Variants in C1QTNF3 observed in about 807,000 individuals in gnomAD.
C1QTNF3 encodes the protein complement C1q tumor necrosis factor-related protein 3.
C1QTNF3 carries 26 observed loss-of-function variants against 32.6 expected under a neutral mutation model. The observed-to-expected ratio is 0.80, with a 90% CI of 0.58 to 1.11. C1QTNF3 has a LOEUF of 1.11. C1QTNF3 is among the 50% of genes least tolerant of loss of function. The pLI is 0.00. For missense variants in C1QTNF3, 362 were observed against 398.2 expected (o/e 0.91, Z 0.77); for synonymous variants, 155 against 146.0 (o/e 1.06, Z -0.44).
the C1QTNF3 span, among the ~76,000 whole-genome samples, chr5:34,162,112 G>T: frequency 6.6e-6 from 1 of 151,900 alleles, no homozygotes; most frequent in Non-Finnish European, 1.5e-5. Context: ...TGCACATTAG[G>T]GACTTAGTTC....
chr5:34,018,136 T>C lies in C1QTNF3; in HGVS notation c.*2447A>G, dbSNP rs1008895101. Among the ~76,000 whole-genome samples, 1 of 151,962 alleles carries C rather than the reference T, an allele frequency of 6.6e-6. No homozygotes were observed. The highest frequency in any genetic ancestry group is 2.4e-5 in the African/African-American group (1 of 41,552). ...GCCATAAATACATGCAGGAAAAGACTGAAATAAACACTTTAAAATAGTAAT... is the reference window on the plus strand; with the variant it reads ...GCCATAAATACATGCAGGAAAAGACCGAAATAAACACTTTAAAATAGTAAT... On this transcript the variant is annotated 3_prime_UTR_variant, in exon 6 of 6. Transcript: ENST00000382065.
At chr5:34,119,376 A>G in the C1QTNF3 span, among the ~76,000 whole-genome samples, 1 of 152,320 alleles carries the variant, frequency 6.6e-6, no homozygotes, top group Non-Finnish European at 1.5e-5. Flanking sequence ...TTTAAAGATT[A>G]GATGTCAGGG....
At chr5:34,128,335 T>C in the C1QTNF3 span, among the ~76,000 whole-genome samples, 1 of 152,196 alleles carries the variant, frequency 6.6e-6, no homozygotes, top group African/African-American at 2.4e-5. Flanking sequence ...GAAACCTCTA[T>C]GAGGGCAGTG....
the C1QTNF3 span, among the ~76,000 whole-genome samples, chr5:34,173,818 A>G: frequency 0.079 from 11,758 of 149,174 alleles, 1,152 homozygotes; most frequent in African/African-American, 0.23. Flanking sequence ...TACTGAAGTT[A>G]AAATGTTCTC....
At chr5:34,238,664 T>C in the C1QTNF3 span, among the ~76,000 whole-genome samples, 109 of 152,056 alleles carry the variant, frequency 7.2e-4, no homozygotes, top group African/African-American at 2.5e-3. Context: ...CTACGACTCA[T>C]TGTCATTCCT....
At chr5:34,105,215 GTTGT>G in the C1QTNF3 span, among the ~76,000 whole-genome samples, 2 of 151,998 alleles carry the variant, frequency 1.3e-5, no homozygotes, top group Non-Finnish European at 2.9e-5. Flanking sequence ...TTCACTATGT[GTTGT>G]TTGTTTATTC....
the C1QTNF3 span, among the ~76,000 whole-genome samples, chr5:34,154,239 GT>G: frequency 6.6e-6 from 1 of 152,102 alleles, no homozygotes; most frequent in African/African-American, 2.4e-5. Flanking sequence ...AGTATAACGA[GT>G]TTTTTTCTTC....
the C1QTNF3 span, among the ~76,000 whole-genome samples, chr5:34,177,959 C>T: frequency 2.6e-5 from 4 of 151,952 alleles, no homozygotes; most frequent in African/African-American, 4.8e-5. Context: ...TAGACCCTCT[C>T]GAGTTTCTTA....
In C1QTNF3 at chr5:34,018,898, AG is replaced by A. The variant is rs970878736; in HGVS notation, c.*1684del. Among the ~76,000 whole-genome samples, 3 of 152,028 alleles carry A rather than the reference AG, an allele frequency of 2.0e-5. No homozygotes were observed. The highest frequency in any genetic ancestry group is 7.3e-5 in the African/African-American group (3 of 41,312). On this transcript the variant is annotated 3_prime_UTR_variant, in exon 6 of 6. Transcript: ENST00000382065. ...TCCCAGCACTTTGGAAGACCGAGGC[AG>A]GCAGATCACCTGAGGTCAGGAGTTC... is the stretch of plus-strand genomic sequence containing the variant.
chr5:34,079,094 G>C, the C1QTNF3 span, among the ~76,000 whole-genome samples: 4 of 151,266 alleles, frequency 2.6e-5, no homozygotes, highest in South Asian at 8.3e-4. Context: ...ACTATATTTA[G>C]AACATAAAAA....
the C1QTNF3 span, among the ~76,000 whole-genome samples, chr5:34,127,229 G>C: frequency 6.6e-6 from 1 of 152,078 alleles, no homozygotes; most frequent in African/African-American, 2.4e-5. Flanking sequence ...AAGTGACTTT[G>C]GAACTGGGTA....
At chr5:34,235,167 T>A in the C1QTNF3 span, among the ~76,000 whole-genome samples, 5 of 152,242 alleles carry the variant, frequency 3.3e-5, no homozygotes, top group Middle Eastern at 3.4e-3. Context: ...AGGGCTGGGT[T>A]CCTTGTTTTT....
At chr5:34,048,289 T>TGAGAGAGAGAGAGAGAGAGAGAGAGA in the C1QTNF3 span, among the ~76,000 whole-genome samples, 84 of 141,160 alleles carry the variant, frequency 6.0e-4, 1 homozygote, top group African/African-American at 2.2e-3. Context: ...TGTGTGTGCA[T>TGAGAGAGAGAGAGAGAGAGAGAGAGA]GAGAGAGAGA....
At chr5:34,051,218 T>C in the C1QTNF3 span, among the ~76,000 whole-genome samples, 2 of 152,248 alleles carry the variant, frequency 1.3e-5, no homozygotes, top group Admixed American at 6.5e-5. Context: ...AACCTGGTCC[T>C]AGATGGCATT....
chr5:34,153,909 A>T, the C1QTNF3 span, among the ~76,000 whole-genome samples: 2 of 151,262 alleles, frequency 1.3e-5, no homozygotes, highest in Admixed American at 1.3e-4. Context: ...ACTAGGTGAG[A>T]TTATAGATGT....
At chr5:34,155,996 A>G in the C1QTNF3 span, among the ~76,000 whole-genome samples, 1 of 152,226 alleles carries the variant, frequency 6.6e-6, no homozygotes, top group African/African-American at 2.4e-5. Flanking sequence ...GCACAAAGTC[A>G]TCATGTCTCT....
chr5:34,081,270 C>T, the C1QTNF3 span, among the ~76,000 whole-genome samples: 3 of 151,590 alleles, frequency 2.0e-5, no homozygotes, highest in Non-Finnish European at 4.4e-5. Context: ...ACAAAACTTA[C>T]CGTATACCCA....
At chr5:34,069,535 CACTG>C in the C1QTNF3 span, among the ~76,000 whole-genome samples, 1 of 152,062 alleles carries the variant, frequency 6.6e-6, no homozygotes, top group Non-Finnish European at 1.5e-5. Flanking sequence ...AAAATCTGTC[CACTG>C]ACCTCAGTTA....
chr5:34,105,241 G>C, the C1QTNF3 span, among the ~76,000 whole-genome samples: 2,028 of 152,054 alleles, frequency 0.013, 53 homozygotes, highest in African/African-American at 0.046. Context: ...TCTTTGAATT[G>C]TAAGCATGAC....
Sources: allele counts gnomAD v4.1 joint callset (sites outside exome capture counted in the v4.1 genomes callset), GRCh38; gene constraint gnomAD v4.1.1; transcripts MANE v1.5; gene names NCBI Gene and HGNC (gene_info 2026-07-23, HGNC 2026-07-21).